DLAT: variants seen among roughly 807,000 people sequenced by gnomAD.
DLAT encodes dihydrolipoamide S-acetyltransferase, also known as dihydrolipoyllysine-residue acetyltransferase component of pyruvate dehydrogenase complex, mitochondrial.
DLAT carries 43 observed loss-of-function variants against 68.0 expected under a neutral mutation model. That is an observed-to-expected ratio of 0.63 (90% CI 0.50 to 0.81). DLAT has a LOEUF of 0.81. Ranked by LOEUF, DLAT falls within the 40% of genes least tolerant of loss-of-function variation. The probability of loss-of-function intolerance (pLI) is 0.00; values close to 1 mark genes in which losing one functional copy is unlikely to be tolerated. For missense variants in DLAT, 745 were observed against 815.4 expected, an observed-to-expected ratio of 0.91 and a Z score of 1.05; for synonymous variants, 265 against 288.6, an observed-to-expected ratio of 0.92 and a Z score of 0.83.
chr11:112,051,142 A>G lies in DLAT; in HGVS notation c.1399-92A>G, dbSNP rs782367142. 26 of 869,726 alleles carry G rather than the reference A, an allele frequency of 3.0e-5. No individual in the cohort carries two copies. The Middle Eastern group carries it at 1.0e-3, about 35-fold the overall frequency. The allele number at this position is 869,726 out of a possible 1,614,324, so 53.9% of individuals were successfully genotyped here. A position where few individuals can be genotyped will look rare whatever the true frequency, so the allele number is the denominator to read the frequency against. On this transcript the variant is annotated intron_variant, in intron 10 of 13. Coordinates refer to ENST00000280346, the MANE Select transcript of DLAT (RefSeq NM_001931.5). The surrounding 1 kb of genome is among the most constrained non-coding windows in gnomAD (Gnocchi z 4.3). The stretch of plus-strand genomic sequence containing the variant: ...ACCATGGCACATGTTTACCTATATA[A>G]TAAACCTGGACATTCTGCACATGCA...
chr11:112,028,202 A>G (rs1434931978), intron 2 of DLAT, among the ~76,000 whole-genome samples: 2 of 152,078 alleles, frequency 1.3e-5, no homozygotes, highest in East Asian at 1.9e-4. Context: ...CATGAACTGT[A>G]TAATTCTAGA....
Position 112,040,664 on chromosome 11 carries a change from G to C in DLAT, c.1129+1267G>C, listed in dbSNP as rs369165008. On this transcript the variant is annotated intron_variant, in intron 7 of 13. Coordinates refer to ENST00000280346, the MANE Select transcript of DLAT (RefSeq NM_001931.5). ...AATTTTTTGGACCTCAGAGATTCTTGTAATATTGGAAGATTCTTTTTTTTC... is the reference window on the plus strand; with the variant it reads ...AATTTTTTGGACCTCAGAGATTCTTCTAATATTGGAAGATTCTTTTTTTTC... 1.2e-4 allele frequency among the ~76,000 whole-genome samples: 19 copies of C among 152,178 alleles called. No homozygotes were observed. The South Asian group carries it at 3.9e-3, about 32-fold the overall frequency.
chr11:112,048,578 G>C (rs905436126), intron 10 of DLAT, among the ~76,000 whole-genome samples: 3 of 152,180 alleles, frequency 2.0e-5, no homozygotes, highest in Non-Finnish European at 4.4e-5. Flanking sequence ...CTGTTGCCCA[G>C]ACTGGGGTGC....
chr11:112,034,953 T>C (rs1862621249), intron 5 of DLAT, among the ~76,000 whole-genome samples: 1 of 151,968 alleles, frequency 6.6e-6, no homozygotes, highest in Non-Finnish European at 1.5e-5. Context: ...TTTTGCATTT[T>C]TAGTAGAGAT....
Position 112,028,905 on chromosome 11 carries a change from C to T in DLAT, c.620C>T (p.Ser207Phe). Residue 207 changes from serine (S) to phenylalanine (F), a missense_variant, in exon 4 of 14, where the codon TCT becomes TTT. Transcript: ENST00000280346. ...GCCACTGCTTCGCCACCTACACCTT[C>T]TGCTCAGGCTCCTGGTAGCTCATAT... Reference protein sequence around the residue: ...PAATASPPTPSAQAPGSSYPP... With the variant: ...PAATASPPTPFAQAPGSSYPP... 1 of 1,614,208 alleles carries T rather than the reference C, an allele frequency of 6.2e-7. No homozygotes were observed. Among genetic ancestry groups the T allele is most frequent in the Non-Finnish European group, 8.5e-7 (1 of 1,180,048 alleles).
At chr11:112,037,114 G>A (rs1007476206) in intron 5 of DLAT, among the ~76,000 whole-genome samples, 159 bp from the exon 6 acceptor site, 1 of 152,144 alleles carries the variant, frequency 6.6e-6, no homozygotes, top group Admixed American at 6.6e-5. Flanking sequence ...TCCCCGTATT[G>A]TAGGTAAAGA....
In DLAT at chr11:112,046,711, G is replaced by A. The variant is rs188173921; in HGVS notation, c.1398+741G>A. Among the ~76,000 whole-genome samples the A allele has an allele frequency of 3.9e-5, 6 of 151,920 alleles. No individual in the cohort carries two copies. In the East Asian group the frequency reaches 1.2e-3, roughly 29 times the overall value. On this transcript the variant is annotated intron_variant, in intron 10 of 13. Transcript: ENST00000280346. ...AACTCCCACTTACAAGTGAGAACAT[G>A]CGGTGTTTGGTTTTCTGTTCCTGTG...
At position 112,062,661 on chromosome 11, in the gene DLAT, ATAAGT is replaced by A. The variant is rs1864710227; in HGVS notation, c.*129_*133del. 1.7e-6 allele frequency: 2 copies of A among 1,161,326 alleles called. No homozygotes were observed. Among genetic ancestry groups the A allele is most frequent in the East Asian group, 5.2e-5 (2 of 38,662 alleles). The allele number at this position is 1,161,326 out of a possible 1,614,324, so 71.9% of individuals were successfully genotyped here. A position where few individuals can be genotyped will look rare whatever the true frequency, so the allele number is the denominator to read the frequency against. On this transcript the variant is annotated 3_prime_UTR_variant, in exon 14 of 14. Coordinates refer to ENST00000280346, the MANE Select transcript of DLAT (RefSeq NM_001931.5). ...TATTTTTATTATTGAGTCTGTCCAGATAAGTTATTTATAATGGGCATTACTGAATT... is the reference window on the plus strand; with the variant it reads ...TATTTTTATTATTGAGTCTGTCCAGATATTTATAATGGGCATTACTGAATT...
chr11:112,039,305 C>G lies in DLAT; in HGVS notation c.1037C>G (p.Ala346Gly). 6.2e-7 allele frequency: 1 copy of G among 1,614,136 alleles called. No individual in the cohort carries two copies. Among genetic ancestry groups the G allele is most frequent in the African/African-American group, 1.3e-5 (1 of 75,038 alleles). ...LAPTPSAPCP[A>G]TPAGPKGRVF... ...CCTACACCTTCAGCACCCTGCCCAG[C>G]TACTCCTGCTGGACCAAAGGGAAGG... Residue 346 changes from alanine (A) to glycine (G), a missense_variant, in exon 7 of 14, where the codon GCT (alanine) becomes GGT (glycine). Transcript: ENST00000280346.
intron 11 of DLAT, among the ~76,000 whole-genome samples, chr11:112,058,667 G>A (rs1451352550): frequency 6.7e-6 from 1 of 149,792 alleles, no homozygotes; most frequent in African/African-American, 2.5e-5. Flanking sequence ...CTAACATTTA[G>A]CATTTCTTCC....
Position 112,061,034 on chromosome 11 carries a change from CTA to C in DLAT, c.1678-3_1678-2del. The C allele has an allele frequency of 6.3e-7, 1 of 1,579,682 alleles. No individual in the cohort carries two copies. Reference sequence around the variant, plus strand: ...TAATTTATTTTTAATTTTTTTTCCTCTAGGGTGGCACTTTTACGATCTCCAAT... The same window carrying C: ...TAATTTATTTTTAATTTTTTTTCCTCGGGTGGCACTTTTACGATCTCCAAT... On this transcript the variant is annotated splice_acceptor_variant and splice_polypyrimidine_tract_variant and intron_variant, in intron 12 of 13. Coordinates refer to ENST00000280346, the MANE Select transcript of DLAT (RefSeq NM_001931.5). LOFTEE classifies it high-confidence loss of function.
intron 11 of DLAT, among the ~76,000 whole-genome samples, chr11:112,054,221 C>T (rs1277756005): frequency 6.6e-6 from 1 of 151,856 alleles, no homozygotes; most frequent in African/African-American, 2.4e-5. Context: ...GAGGCTGAGG[C>T]AGGAGAATTG....
chr11:112,050,672 T>C (rs1863568247), intron 10 of DLAT, among the ~76,000 whole-genome samples: 1 of 152,210 alleles, frequency 6.6e-6, no homozygotes, highest in Non-Finnish European at 1.5e-5. Flanking sequence ...TAGATAGTAA[T>C]GTCCCCTATT....
intron 4 of DLAT, among the ~76,000 whole-genome samples, chr11:112,032,017 A>G (rs1354914322): frequency 6.8e-6 from 1 of 146,508 alleles, no homozygotes; most frequent in Non-Finnish European, 1.5e-5. Flanking sequence ...AGTAGCTGGG[A>G]CTACAGGTGG....
At chr11:112,027,223 CG>C (rs1399124497) in intron 2 of DLAT, among the ~76,000 whole-genome samples, 4 of 146,784 alleles carry the variant, frequency 2.7e-5, no homozygotes, top group Non-Finnish European at 6.0e-5. Flanking sequence ...ACTTCTCAGA[CG>C]GGGCGGCCGG....
intron 6 of DLAT, among the ~76,000 whole-genome samples, chr11:112,038,690 C>G (rs1862896562): frequency 6.7e-6 from 1 of 150,012 alleles, no homozygotes; most frequent in African/African-American, 2.4e-5. Flanking sequence ...ACTGAAAATA[C>G]AAAAAATTAG....
Position 112,025,800 on chromosome 11 carries a change from A to G in DLAT, c.279+49A>G, listed in dbSNP as rs137879141. 2.0e-3 allele frequency: 3,146 copies of G among 1,607,362 alleles called. 56 individuals carry two copies. In the African/African-American group the frequency reaches 0.036, roughly 18 times the overall value. On this transcript the variant is annotated intron_variant, in intron 1 of 13. Transcript: ENST00000280346. ...GGGACCCCGTTGTCCTTCAGAGCTG[A>G]CTGGATGCCTGCAAGATCCTCCTTG...
At chr11:112,027,003 A>G (rs1168019587) in intron 2 of DLAT, among the ~76,000 whole-genome samples, 9 of 146,046 alleles carry the variant, frequency 6.2e-5, no homozygotes, top group African/African-American at 2.3e-4. Flanking sequence ...TGGCCCCACC[A>G]CCTCCCTCCC....
intron 4 of DLAT, among the ~76,000 whole-genome samples, chr11:112,029,251 C>A (rs1448623957): frequency 6.6e-6 from 1 of 152,106 alleles, no homozygotes; most frequent in African/African-American, 2.4e-5. Flanking sequence ...ACATCTATTC[C>A]CTGTATAATT....
Sources: allele counts gnomAD v4.1 joint callset (sites outside exome capture counted in the v4.1 genomes callset), GRCh38; gene constraint gnomAD v4.1.1; non-coding constraint Gnocchi (gnomAD v3.1); transcripts MANE v1.5; gene names NCBI Gene and HGNC (gene_info 2026-07-23, HGNC 2026-07-21).